ITGB3: variants seen among roughly 807,000 people sequenced by gnomAD.
ITGB3 encodes integrin beta-3.
ITGB3 carries 48 observed loss-of-function variants against 85.8 expected under a neutral mutation model. That is an observed-to-expected ratio of 0.56 (90% CI 0.44 to 0.71). ITGB3 has a LOEUF of 0.71. ITGB3 is among the 30% of genes least tolerant of loss of function. ITGB3 has a pLI of 0.00. For missense variants in ITGB3, 861 were observed against 1,019.1 expected (o/e 0.84, Z 2.11); for synonymous variants, 363 against 395.6 (o/e 0.92, Z 0.98).
At chr17:47,260,616 G>C (rs975582635) in intron 1 of ITGB3, among the ~76,000 whole-genome samples, 1 of 152,082 alleles carries the variant, frequency 6.6e-6, no homozygotes, top group Non-Finnish European at 1.5e-5. Context: ...TTTAGCCATC[G>C]CACGTGTTGA....
chr17:47,292,220 A>G lies in ITGB3; in HGVS notation c.1342A>G (p.Lys448Glu). ...CTTTACCATAAAGCCCGTGGGCTTCAAGGACAGCCTGATCGTCCAGGTCAC... is the reference window on the plus strand; with the variant it reads ...CTTTACCATAAAGCCCGTGGGCTTCGAGGACAGCCTGATCGTCCAGGTCAC... The part of the protein sequence containing the change: ...KSFTIKPVGF[K>E]DSLIVQVTFD... Residue 448 changes from lysine (K) to glutamate (E), a missense_variant, in exon 10 of 15, where the codon AAG becomes GAG. Physicochemically the swap from Lys to Glu is moderately conservative, Grantham distance 56. Transcript: ENST00000559488. 1 of 1,614,236 alleles carries G rather than the reference A, an allele frequency of 6.2e-7. No individual in the cohort carries two copies. Among genetic ancestry groups the G allele is most frequent in the Non-Finnish European group, 8.5e-7 (1 of 1,180,032 alleles).
chr17:47,280,601 C>T (rs1327545727), intron 2 of ITGB3, among the ~76,000 whole-genome samples: 1 of 152,198 alleles, frequency 6.6e-6, no homozygotes, highest in Non-Finnish European at 1.5e-5. Context: ...AAGTTATCCA[C>T]CCGTGTCGGC....
chr17:47,277,555 T>G (rs2065068369), intron 2 of ITGB3, among the ~76,000 whole-genome samples: 3 of 152,170 alleles, frequency 2.0e-5, no homozygotes, highest in African/African-American at 7.2e-5. Context: ...GCCACTGCAC[T>G]CCAGCCTGGG....
rs2065055501 is a variant in ITGB3 at position 47,274,402 on chromosome 17, T to C, written c.80-17T>C. The C allele has an allele frequency of 6.2e-7, 1 of 1,610,420 alleles. No individual in the cohort carries two copies. The highest frequency in any genetic ancestry group is 1.7e-5 in the Admixed American group (1 of 59,988). On this transcript the variant is annotated splice_polypyrimidine_tract_variant and intron_variant, in intron 1 of 14. Transcript: ENST00000559488. The stretch of plus-strand genomic sequence containing the variant: ...TGAGCCAAATCTGGTGCTAATGCCT[T>C]TGTCTGTCTGTTGCAGGGCCCAACA...
At position 47,310,140 on chromosome 17, in the gene ITGB3, C is replaced by T; in HGVS notation, c.2303C>T (p.Ala768Val). The change falls in exon 15 of 15, where the codon GCC (alanine) becomes GTC (valine). Residue 768 changes from alanine to valine, a missense_variant and splice_region_variant. Coordinates refer to ENST00000559488, the MANE Select transcript of ITGB3 (RefSeq NM_000212.3). ...GATGCTATTCTGTTTCCTCCACAGG[C>T]CAACAACCCACTGTATAAAGAGGCC... ...EERARAKWDT[A>V]NNPLYKEATS... The T allele has an allele frequency of 6.2e-7, 1 of 1,613,820 alleles. No homozygotes were observed. The highest frequency in any genetic ancestry group is 8.5e-7 in the Non-Finnish European group (1 of 1,179,822).
intron 11 of ITGB3, 129 bp from the exon 12 acceptor site, chr17:47,300,349 G>T: frequency 1.4e-6 from 1 of 727,430 alleles, no homozygotes; most frequent in East Asian, 2.7e-5. Flanking sequence ...GCGCGCGCGT[G>T]TGTGTGTGTG....
At chr17:47,259,228 A>G (rs1188361259) in intron 1 of ITGB3, 1 of 152,030 alleles carries the variant, frequency 6.6e-6, no homozygotes. Flanking sequence ...GTATGTCATG[A>G]TGCTTGGAGT....
rs189118828 is a variant in ITGB3 at position 47,282,478 on chromosome 17, A to T, written c.166-876A>T. The stretch of plus-strand genomic sequence containing the variant: ...AAGTACTGAAGGAGGGACTGTTATT[A>T]TGTTCGTGTTACAGCTGAGGAAACT... On this transcript the variant is annotated intron_variant, in intron 2 of 14. Coordinates refer to ENST00000559488, the MANE Select transcript of ITGB3 (RefSeq NM_000212.3). Among the ~76,000 whole-genome samples, 1,059 of 152,304 alleles carry T rather than the reference A, an allele frequency of 7.0e-3. 15 individuals are homozygous for T. The highest frequency in any genetic ancestry group is 0.023 in the African/African-American group (967 of 41,568).
chr17:47,255,968 A>AAAATAAATAAATAAAT (rs574713478), intron 1 of ITGB3, among the ~76,000 whole-genome samples: 13 of 150,974 alleles, frequency 8.6e-5, no homozygotes, highest in South Asian at 2.1e-4. Flanking sequence ...CAACTCAGTA[A>AAAATAAATAAATAAAT]AAATAAATAA....
In ITGB3 at chr17:47,299,572, G is replaced by A; in HGVS notation, c.1913+42G>A. On this transcript the variant is annotated intron_variant, in intron 11 of 14. Transcript: ENST00000559488. The surrounding 1 kb of genome is among the most constrained non-coding windows in gnomAD (Gnocchi z 5.1). ...GAGAGAGCCGGGAGGCTGGGAGGTA[G>A]GAGAGGATCCCCTGACTAGAATCCC... 1 of 1,568,964 alleles carries A rather than the reference G, an allele frequency of 6.4e-7. No homozygotes were observed. The highest frequency in any genetic ancestry group is 8.8e-7 in the Non-Finnish European group (1 of 1,142,184).
chr17:47,277,523 A>G (rs918896784), intron 2 of ITGB3, among the ~76,000 whole-genome samples: 1 of 152,178 alleles, frequency 6.6e-6, no homozygotes, highest in African/African-American at 2.4e-5. Context: ...GCAATAGTGC[A>G]CCATGATCAT....
chr17:47,305,854 C>T lies in ITGB3; in HGVS notation c.2135-1617C>T, dbSNP rs75393142. ...CTGGGTGTAAGAAGATCCGTTACAA[C>T]GGTAGCTGATATTTACTGAGCACTT... On this transcript the variant is annotated intron_variant, in intron 13 of 14. Transcript: ENST00000559488. Among the ~76,000 whole-genome samples, 54 of 152,270 alleles carry T rather than the reference C, an allele frequency of 3.5e-4. No homozygotes were observed. The East Asian group carries it at 8.3e-3, about 23-fold the overall frequency.
rs1300248654 is a variant in ITGB3, at chr17:47,313,540, G to A, written c.*3336G>A. ...TTCTTTTTGTATTTTTAGTAGAGACGGGGTTTCACGGTGTTAGCCAGGAAG... is the reference window on the plus strand; with the variant it reads ...TTCTTTTTGTATTTTTAGTAGAGACAGGGTTTCACGGTGTTAGCCAGGAAG... On this transcript the variant is annotated 3_prime_UTR_variant, in exon 15 of 15. Transcript: ENST00000559488. 6.6e-6 allele frequency among the ~76,000 whole-genome samples: 1 copy of A among 151,662 alleles called. No individual in the cohort carries two copies. The highest frequency in any genetic ancestry group is 2.4e-5 in the African/African-American group (1 of 41,240).
chr17:47,297,024 T>C (rs2065148364), intron 10 of ITGB3, among the ~76,000 whole-genome samples: 1 of 152,236 alleles, frequency 6.6e-6, no homozygotes, highest in African/African-American at 2.4e-5. Context: ...GTTACTGGAC[T>C]TTCCATAACT....
At chr17:47,292,006 C>G in intron 9 of ITGB3, 133 bp from the exon 10 acceptor site, 3 of 860,810 alleles carry the variant, frequency 3.5e-6, no homozygotes, top group Non-Finnish European at 5.8e-6. Context: ...CTGAGGAACT[C>G]CAGATTGCAA....
intron 1 of ITGB3, among the ~76,000 whole-genome samples, chr17:47,264,061 G>A (rs1262502669): frequency 2.6e-5 from 4 of 152,216 alleles, no homozygotes; most frequent in Non-Finnish European, 4.4e-5. Context: ...GTCCACTTAT[G>A]CAAATGAACA....
At chr17:47,258,785 C>T (rs559500343) in intron 1 of ITGB3, among the ~76,000 whole-genome samples, 3 of 152,314 alleles carry the variant, frequency 2.0e-5, no homozygotes, top group African/African-American at 7.2e-5. Flanking sequence ...CCTCAACCCT[C>T]GTCGGTTGCA....
In ITGB3 at chr17:47,253,919, CTGGCGGGCGT is replaced by C; in HGVS notation, c.64_73del (p.Gly22Ter). On this transcript the variant is annotated frameshift_variant, in exon 1 of 15. Coordinates refer to ENST00000559488, the MANE Select transcript of ITGB3 (RefSeq NM_000212.3). LOFTEE classifies it high-confidence loss of function. ...GGCGACTGTGCTGGCGCTGGGGGCG[CTGGCGGGCGT>C]TGGCGTAGGAGGTGAGTGAGGCTCC... The C allele has an allele frequency of 7.1e-7, 1 of 1,414,500 alleles. No homozygotes were observed. Among genetic ancestry groups the C allele is most frequent in the African/African-American group, 1.5e-5 (1 of 67,754 alleles). 87.6% of individuals were successfully genotyped at this position (1,414,500 alleles called of 1,614,324 possible). A position where few individuals can be genotyped will look rare whatever the true frequency, so the allele number is the denominator to read the frequency against.
chr17:47,300,346 C>CGCGCGCGCGTGTGT (rs377375532), intron 11 of ITGB3, 132 bp from the exon 12 acceptor site: 5 of 619,730 alleles, frequency 8.1e-6, no homozygotes, highest in African/African-American at 5.6e-5. Context: ...CGCGCGCGCG[C>CGCGCGCGCGTGTGT]GTGTGTGTGT....
Sources: allele counts gnomAD v4.1 joint callset (sites outside exome capture counted in the v4.1 genomes callset), GRCh38; gene constraint gnomAD v4.1.1; non-coding constraint Gnocchi (gnomAD v3.1); transcripts MANE v1.5; gene names NCBI Gene and HGNC (gene_info 2026-07-23, HGNC 2026-07-21).